TAL1: variants seen among roughly 807,000 people sequenced by gnomAD.
The protein encoded by TAL1 is TAL bHLH transcription factor 1, erythroid differentiation factor, also known as T-cell acute lymphocytic leukemia protein 1.
In TAL1, 8 loss-of-function variants were observed where a neutral mutation model predicts 17.9. That is an observed-to-expected ratio of 0.45 (90% CI 0.26 to 0.81). The LOEUF is 0.81. Ranked by LOEUF, TAL1 falls within the 30% of genes least tolerant of loss-of-function variation. The pLI is 0.17. For synonymous variants in TAL1, 223 were observed against 218.6 expected (o/e 1.02, Z -0.18); for missense variants, 466 against 486.9 (o/e 0.96, Z 0.40).
rs187177468 is a variant in TAL1, at chr1:47,225,757, C to T, written c.132G>A (p.Ala44=). ...CGATGACTGGGGGCTCCGCTGCGGC[C>T]GCGCGGCTCGTCTCCTTGGCGACGC... The change falls in exon 2 of 4, where the codon GCG becomes GCA. Residue 44 remains alanine (A), a synonymous_variant. Transcript: ENST00000294339. The T allele has an allele frequency of 1.2e-5, 18 of 1,544,688 alleles. No individual in the cohort carries two copies. In the African/African-American group the frequency reaches 2.4e-4, roughly 21 times the overall value.
upstream of TAL1, among the ~76,000 whole-genome samples, chr1:47,231,396 C>T (rs1044966109): frequency 6.8e-6 from 1 of 146,392 alleles, no homozygotes; most frequent in African/African-American, 2.5e-5. Flanking sequence ...CTCTAAAGGA[C>T]ACAGGCACAC....
exon 2 of TAL1, chr1:47,225,758 G>T: frequency 1.3e-6 from 2 of 1,544,580 alleles, no homozygotes; most frequent in Non-Finnish European, 1.7e-6. Context: ...CGCTGCGGCC[G>T]CGCGGCTCGT....
chr1:47,225,825 C>T lies in TAL1; in HGVS notation c.64G>A (p.Ala22Thr), dbSNP rs201518082. 1.4e-4 allele frequency: 221 copies of T among 1,581,834 alleles called. No individual in the cohort carries two copies. Among genetic ancestry groups the T allele is most frequent in the Non-Finnish European group, 2.2e-5 (26 of 1,172,584 alleles). Residue 22 changes from alanine (A) to threonine (T), a missense_variant, in exon 2 of 4, where the codon GCC becomes ACC. Ala to Thr is a moderately conservative substitution (Grantham distance 58). Transcript: ENST00000294339. ...TGCGGGGGGGCCATGCTGGCCTCGG[C>T]CGCGTCCCGTCCCTCTAGCTGGGGG... is the stretch of plus-strand genomic sequence containing the variant.
exon 2 of TAL1, chr1:47,225,578 G>GCGGGGGCCGGGGCGGGCC (rs1643894850): frequency 1.6e-6 from 2 of 1,283,954 alleles, no homozygotes; most frequent in African/African-American, 3.1e-5. Context: ...CGAGGCGGGC[G>GCGGGGGCCGGGGCGGGCC]CGGGGGCCGG....
chr1:47,222,193 G>A (rs1456250833), intron 3 of TAL1, among the ~76,000 whole-genome samples: 1 of 152,214 alleles, frequency 6.6e-6, no homozygotes, highest in Admixed American at 6.5e-5. Flanking sequence ...TTGGGGAGGG[G>A]GTACTTATGA....
exon 4 of TAL1, chr1:47,219,128 A>T (rs921262805): frequency 9.9e-6 from 4 of 406,030 alleles, no homozygotes; most frequent in African/African-American, 8.0e-5. Context: ...CATCTAGAGC[A>T]GACTGTCCAC....
At chr1:47,219,687 G>C (rs149545232) in exon 4 of TAL1, 1 of 1,604,118 alleles carries the variant, frequency 6.2e-7, no homozygotes, top group African/African-American at 1.3e-5. Context: ...GCCTAAGAAC[G>C]CCCTCCTGGC....
In TAL1 at chr1:47,225,801, G is replaced by C. The variant is rs745420825; in HGVS notation, c.88C>G (p.His30Asp). The stretch of plus-strand genomic sequence containing the variant: ...GCGACGCCGTTCAGCAGGACCAGGT[G>C]CGGGGGGGCCATGCTGGCCTCGGCC... Residue 30 changes from histidine (H) to aspartate (D), a missense_variant, in exon 2 of 4, where the codon CAC becomes GAC. Transcript: ENST00000294339. 1.3e-6 allele frequency: 2 copies of C among 1,573,076 alleles called. No homozygotes were observed. The highest frequency in any genetic ancestry group is 3.5e-5 in the Admixed American group (2 of 57,776).
chr1:47,218,263 G>A, exon 4 of TAL1: 1 of 233,090 alleles, frequency 4.3e-6, no homozygotes, highest in Non-Finnish European at 8.5e-6. Flanking sequence ...TGTCCCATGG[G>A]CTTAGATGCA....
exon 4 of TAL1, chr1:47,217,425 G>A (rs557969802): frequency 2.5e-6 from 1 of 397,452 alleles, no homozygotes; most frequent in Non-Finnish European, 4.4e-6. Flanking sequence ...AGATAATCTG[G>A]AGAAATGAGG....
At chr1:47,220,102 C>T in exon 4 of TAL1, 1 of 1,611,188 alleles carries the variant, frequency 6.2e-7, no homozygotes, top group Non-Finnish European at 8.5e-7. Flanking sequence ...GGCAAAGGCC[C>T]CGTTCACATT....
chr1:47,231,355 C>A (rs1486099566), upstream of TAL1: 4 of 205,948 alleles, frequency 1.9e-5, no homozygotes, highest in African/African-American at 2.3e-5. Context: ...GCCCTCCCCC[C>A]ACTCCCGCCC....
exon 2 of TAL1, chr1:47,225,791 A>G: frequency 6.4e-7 from 1 of 1,565,182 alleles, no homozygotes; most frequent in East Asian, 2.5e-5. Context: ...GCCGTTCAGC[A>G]GGACCAGGTG....
chr1:47,216,681 G>T (rs1645501584), exon 4 of TAL1: 1 of 231,712 alleles, frequency 4.3e-6, no homozygotes, highest in African/African-American at 2.2e-5. Flanking sequence ...TTTTGGAAAA[G>T]AATAAAGGTT....
upstream of TAL1, chr1:47,230,650 G>A: frequency 6.6e-6 from 1 of 152,088 alleles, no homozygotes; most frequent in East Asian, 1.9e-4. Flanking sequence ...GGCTGTAGCG[G>A]AAAAAAACCC....
At chr1:47,218,138 T>C (rs1569880265) in exon 4 of TAL1, 3 of 243,760 alleles carry the variant, frequency 1.2e-5, no homozygotes, top group Non-Finnish European at 2.4e-5. Context: ...AGTTCTTGCA[T>C]GGCAGGACAG....
At chr1:47,219,469 G>A (rs1202925879) in exon 4 of TAL1, 2 of 688,482 alleles carry the variant, frequency 2.9e-6, no homozygotes, top group Non-Finnish European at 5.3e-6. Context: ...ACTGAGGGAA[G>A]AGGGAAGACC....
At chr1:47,231,580 C>G (rs530047826), upstream of TAL1, 526 of 233,932 alleles carry the variant, frequency 2.2e-3, 3 homozygotes, top group African/African-American at 0.011. Flanking sequence ...CAATCCAGCA[C>G]AGTCGGGATC....
upstream of TAL1, chr1:47,231,575 C>T (rs1202833839): frequency 8.6e-6 from 2 of 233,854 alleles, no homozygotes; most frequent in Non-Finnish European, 1.7e-5. Flanking sequence ...ACACACAATC[C>T]AGCACAGTCG....
Sources: gnomAD v4.1 joint callset for allele counts (sites outside exome capture counted in the v4.1 genomes callset) on GRCh38, gnomAD v4.1.1 for gene constraint, MANE v1.5 for transcripts, NCBI Gene and HGNC (gene_info 2026-07-23, HGNC 2026-07-21) for gene names.